The following TFDP2 variants were observed in gnomAD, a reference collection of about 807,000 sequenced individuals.
TFDP2 encodes transcription factor Dp-2.
A neutral mutation model predicts 59.3 loss-of-function variants in TFDP2; 17 were observed. The ratio of observed to expected loss-of-function variants is 0.29; its 90% CI spans 0.20 to 0.43. The LOEUF (loss-of-function observed/expected upper bound fraction) is 0.43. Among genes scored for constraint, TFDP2 ranks in the 20% least tolerant of loss-of-function variants. The probability of loss-of-function intolerance (pLI) is 1.00; values close to 1 mark genes in which losing one functional copy is unlikely to be tolerated. For missense variants in TFDP2, 391 were observed against 528.8 expected (o/e 0.74, Z 2.56); for synonymous variants, 180 against 194.7 (o/e 0.92, Z 0.63).
At chr3:142,112,151 C>G (rs2108674730) in intron 1 of TFDP2, among the ~76,000 whole-genome samples, 1 of 152,184 alleles carries the variant, frequency 6.6e-6, no homozygotes, top group Admixed American at 6.5e-5. Context: ...AAGACAGAAC[C>G]AAATTCACCA....
chr3:142,148,947 T>C (rs1335393506), intron 1 of TFDP2, among the ~76,000 whole-genome samples: 1 of 152,194 alleles, frequency 6.6e-6, no homozygotes, highest in Non-Finnish European at 1.5e-5. Flanking sequence ...CTCAGGGACG[T>C]TACCTCCCCC....
chr3:141,978,940 T>C (rs1480888814), intron 6 of TFDP2, among the ~76,000 whole-genome samples: 1 of 152,262 alleles, frequency 6.6e-6, no homozygotes, highest in Non-Finnish European at 1.5e-5. Context: ...TACTATTCTA[T>C]GCCGGATACT....
intron 3 of TFDP2, among the ~76,000 whole-genome samples, chr3:142,046,618 G>T (rs1372472629): frequency 6.6e-6 from 1 of 152,114 alleles, no homozygotes; most frequent in African/African-American, 2.4e-5. Flanking sequence ...CAAGTTTCTG[G>T]TTGGTAAAGA....
chr3:142,056,309 T>G (rs1435757140), intron 3 of TFDP2, among the ~76,000 whole-genome samples: 1 of 34,688 alleles, frequency 2.9e-5, no homozygotes, highest in African/African-American at 2.5e-4. Flanking sequence ...TAACAGTGAA[T>G]TAAAAAAAAA....
intron 1 of TFDP2, among the ~76,000 whole-genome samples, chr3:142,147,579 T>C (rs1193398977): frequency 6.6e-6 from 1 of 152,176 alleles, no homozygotes; most frequent in African/African-American, 2.4e-5. Flanking sequence ...ACTGCAAAAA[T>C]TCAGCTTTCC....
chr3:142,073,468 C>CCA (rs1553796666), intron 3 of TFDP2, among the ~76,000 whole-genome samples: 6 of 71,808 alleles, frequency 8.4e-5, no homozygotes, highest in African/African-American at 2.8e-4. Context: ...CCCCCCCCCC[C>CCA]CCGCAAAAAA....
intron 3 of TFDP2, among the ~76,000 whole-genome samples, chr3:142,010,407 G>A (rs1488877955): frequency 6.6e-6 from 1 of 152,030 alleles, no homozygotes; most frequent in African/African-American, 2.4e-5. Context: ...TCAAGAGTTC[G>A]ACACCAGCTT....
At chr3:141,999,880 C>T (rs536063382) in intron 4 of TFDP2, among the ~76,000 whole-genome samples, 2 of 152,106 alleles carry the variant, frequency 1.3e-5, no homozygotes, top group South Asian at 4.1e-4. Flanking sequence ...GGACTACAGG[C>T]GCCTGCCACC....
At chr3:142,037,683 G>A (rs1383732066) in intron 3 of TFDP2, among the ~76,000 whole-genome samples, 1 of 152,136 alleles carries the variant, frequency 6.6e-6, no homozygotes, top group East Asian at 1.9e-4. Flanking sequence ...AAGTAAGAGA[G>A]GGAATCCAGT....
intron 6 of TFDP2, among the ~76,000 whole-genome samples, chr3:141,988,018 C>G (rs1194086714): frequency 6.6e-6 from 1 of 150,708 alleles, no homozygotes; most frequent in Non-Finnish European, 1.5e-5. Context: ...CTGATCTTGG[C>G]TCATTGCAGC....
chr3:141,994,226 C>T (rs1187578293), intron 5 of TFDP2: 5 of 152,182 alleles, frequency 3.3e-5, no homozygotes, highest in Admixed American at 6.5e-5. Flanking sequence ...TATTAAAGCA[C>T]TTTGCCAGGA....
chr3:142,141,413 C>G (rs983604794), intron 1 of TFDP2, among the ~76,000 whole-genome samples: 1 of 152,220 alleles, frequency 6.6e-6, no homozygotes, highest in Non-Finnish European at 1.5e-5. Context: ...GAACCAGGTA[C>G]CTCAGTTGGA....
At chr3:141,968,466 A>C (rs1218099357) in intron 9 of TFDP2, among the ~76,000 whole-genome samples, 5 of 82,070 alleles carry the variant, frequency 6.1e-5, no homozygotes, top group Admixed American at 4.3e-4. Flanking sequence ...ATATATAGAT[A>C]TATATATAAC....
In TFDP2 at chr3:142,133,698, A is replaced by G. The variant is rs1237133929; in HGVS notation, c.-93+15485T>C. 3.3e-5 allele frequency among the ~76,000 whole-genome samples: 5 copies of G among 151,700 alleles called. 1 individual carries two copies. The highest frequency in any genetic ancestry group is 1.2e-4 in the African/African-American group (5 of 41,304). ...ATTTTCAGTAGAGACAGATTTTGCT[A>G]TGTTGGCCAGTCTGGTCTCAAACTC... On this transcript the variant is annotated intron_variant, in intron 1 of 12. Coordinates refer to ENST00000489671, the MANE Select transcript of TFDP2 (RefSeq NM_001178139.2).
intron 11 of TFDP2, among the ~76,000 whole-genome samples, chr3:141,954,832 A>G (rs1273682962): frequency 6.6e-6 from 1 of 152,184 alleles, no homozygotes; most frequent in Non-Finnish European, 1.5e-5. Context: ...TGCAATTACT[A>G]TACAAAAAAA....
chr3:142,012,921 G>A (rs924367490), intron 3 of TFDP2, among the ~76,000 whole-genome samples: 32 of 152,070 alleles, frequency 2.1e-4, no homozygotes, highest in African/African-American at 5.6e-4. Context: ...GGAGGATCAC[G>A]AGGCCAGGAG....
intron 2 of TFDP2, among the ~76,000 whole-genome samples, chr3:142,095,817 T>G (rs1481362999): frequency 6.6e-6 from 1 of 152,224 alleles, no homozygotes; most frequent in Non-Finnish European, 1.5e-5. Flanking sequence ...CTTGTTGGTG[T>G]TCTACTTTAA....
chr3:142,050,513 G>A (rs1378605721), intron 3 of TFDP2, among the ~76,000 whole-genome samples: 2 of 151,686 alleles, frequency 1.3e-5, no homozygotes, highest in Non-Finnish European at 2.9e-5. Flanking sequence ...GGCTAACACG[G>A]TGAAACCCTG....
intron 1 of TFDP2, among the ~76,000 whole-genome samples, chr3:142,113,250 A>ATTTT (rs935936014): frequency 2.0e-5 from 3 of 150,090 alleles, no homozygotes; most frequent in Non-Finnish European, 3.0e-5. Flanking sequence ...GATGACATTT[A>ATTTT]TTTTTTATTT....
Sources: allele counts gnomAD v4.1 joint callset (sites outside exome capture counted in the v4.1 genomes callset), GRCh38; gene constraint gnomAD v4.1.1; transcripts MANE v1.5; gene names NCBI Gene and HGNC (gene_info 2026-07-23, HGNC 2026-07-21).